The following DNM3 variants were observed in gnomAD, a reference collection of about 807,000 sequenced individuals.
DNM3 encodes the protein dynamin-3.
A neutral mutation model predicts 101.6 loss-of-function variants in DNM3; 47 were observed. That is an observed-to-expected ratio of 0.46 (90% CI 0.37 to 0.59). The LOEUF is 0.59. DNM3 is among the 20% of genes least tolerant of loss of function. The probability of loss-of-function intolerance (pLI) is 0.00; values close to 1 mark genes in which losing one functional copy is unlikely to be tolerated. For missense variants in DNM3, 849 were observed against 1,085.7 expected, an observed-to-expected ratio of 0.78 and a Z score of 3.06; for synonymous variants, 385 against 387.9, an observed-to-expected ratio of 0.99 and a Z score of 0.09.
At chr1:172,090,914 C>T (rs755925158) in intron 12 of DNM3, among the ~76,000 whole-genome samples, 24 of 152,160 alleles carry the variant, frequency 1.6e-4, no homozygotes, top group Non-Finnish European at 2.8e-4. Flanking sequence ...AAAACAGCTT[C>T]CATAAACTAT....
chr1:172,038,575 C>A, intron 7 of DNM3, 114 bp downstream of exon 7: 2 of 1,302,820 alleles, frequency 1.5e-6, no homozygotes, highest in Non-Finnish European at 2.1e-6. Context: ...CTATATGAGG[C>A]TATCTATATG....
chr1:172,151,311 T>A (rs2058118037), intron 14 of DNM3, among the ~76,000 whole-genome samples: 1 of 152,220 alleles, frequency 6.6e-6, no homozygotes, highest in East Asian at 1.9e-4. Context: ...TAGTTAAAGG[T>A]TAACATGGAA....
intron 14 of DNM3, among the ~76,000 whole-genome samples, chr1:172,179,731 G>A (rs1452351396): frequency 1.3e-5 from 2 of 151,754 alleles, no homozygotes; most frequent in Admixed American, 1.3e-4. Flanking sequence ...ATAATTTTTA[G>A]ATATAACCAA....
At chr1:172,318,465 C>T (rs1329403899) in intron 16 of DNM3, among the ~76,000 whole-genome samples, 10 of 152,320 alleles carry the variant, frequency 6.6e-5, no homozygotes, top group East Asian at 3.9e-4. Flanking sequence ...TTGCAGACGA[C>T]GTGATTGTAT....
chr1:171,895,211 C>T (rs865857727), intron 1 of DNM3, among the ~76,000 whole-genome samples: 29 of 152,274 alleles, frequency 1.9e-4, no homozygotes, highest in Middle Eastern at 3.4e-3. Flanking sequence ...AGGAATTGCC[C>T]ACTGTCTTCC....
chr1:171,960,531 C>A (rs2043149528), intron 2 of DNM3, among the ~76,000 whole-genome samples: 1 of 152,124 alleles, frequency 6.6e-6, no homozygotes, highest in African/African-American at 2.4e-5. Flanking sequence ...GTGATTGGAT[C>A]TTGAAGGCTC....
chr1:171,985,952 A>T (rs2045220400), intron 2 of DNM3, among the ~76,000 whole-genome samples: 1 of 152,204 alleles, frequency 6.6e-6, no homozygotes, highest in African/African-American at 2.4e-5. Flanking sequence ...GCTGAGTAGC[A>T]CCAGAGGACA....
chr1:172,290,633 C>T (rs991569155), intron 15 of DNM3, among the ~76,000 whole-genome samples: 13 of 151,934 alleles, frequency 8.6e-5, no homozygotes, highest in Admixed American at 3.9e-4. Context: ...TTCTTTGTGG[C>T]GAGTGGAGCA....
chr1:172,141,521 A>G (rs1469231600), intron 14 of DNM3, among the ~76,000 whole-genome samples: 1 of 152,118 alleles, frequency 6.6e-6, no homozygotes, highest in East Asian at 1.9e-4. Context: ...TTTACCGAGC[A>G]TGGATGCTTG....
rs2071265700 is a variant in DNM3, at chr1:172,412,453, AT to A, written c.*4617del. ...TTTTACTTTCCCTTTTTTGGGTCAAATTTTTCTTTTGCTTTGTTTGAAGAAG... is the reference window on the plus strand; with the variant it reads ...TTTTACTTTCCCTTTTTTGGGTCAAATTTTCTTTTGCTTTGTTTGAAGAAG... On this transcript the variant is annotated 3_prime_UTR_variant, in exon 21 of 21. Coordinates refer to ENST00000627582, the MANE Select transcript of DNM3 (RefSeq NM_015569.5). The A allele has an allele frequency of 1.0e-6, 1 of 985,376 alleles. No individual in the cohort carries two copies. The highest frequency in any genetic ancestry group is 1.2e-6 in the Non-Finnish European group (1 of 829,874). The allele number at this position is 985,376 out of a possible 1,614,324, so 61.0% of individuals were successfully genotyped here. A position where few individuals can be genotyped will look rare whatever the true frequency, so the allele number is the denominator to read the frequency against.
chr1:171,880,884 T>C (rs914894744), intron 1 of DNM3, among the ~76,000 whole-genome samples: 2 of 152,062 alleles, frequency 1.3e-5, no homozygotes, highest in South Asian at 2.1e-4. Flanking sequence ...TCAAAATACA[T>C]AGGCAGAATA....
rs750682002 is a variant in DNM3 at position 172,379,088 on chromosome 1, C to T, written c.1964C>T (p.Thr655Ile). ...MDPQLERQVETIRNLVDSYMS... is the reference protein window; with the variant it reads ...MDPQLERQVEIIRNLVDSYMS... ...CCACAATTGGAGAGGCAAGTGGAGA[C>T]CATTCGCAACCTCGTAGACTCCTAC... Residue 655 changes from threonine to isoleucine, a missense_variant, in exon 18 of 21, where the codon ACC (threonine) becomes ATC (isoleucine). By Grantham distance (89) the Thr-to-Ile change is moderately conservative. This residue lies in a region of DNM3 where 256 missense variants were observed against 311.7 expected (regional missense o/e 0.82). Transcript: ENST00000627582. The T allele has an allele frequency of 5.6e-6, 9 of 1,612,352 alleles. No individual in the cohort carries two copies. In the South Asian group the frequency reaches 9.9e-5, roughly 18 times the overall value.
intron 1 of DNM3, among the ~76,000 whole-genome samples, chr1:171,865,858 C>G (rs965427053): frequency 6.6e-6 from 1 of 152,174 alleles, no homozygotes; most frequent in Non-Finnish European, 1.5e-5. Flanking sequence ...AACTTTGGAT[C>G]TTGAGTCTGT....
chr1:171,961,214 T>A (rs1236895467), intron 2 of DNM3, among the ~76,000 whole-genome samples: 1 of 151,972 alleles, frequency 6.6e-6, no homozygotes, highest in Non-Finnish European at 1.5e-5. Context: ...GAGAAGAGGA[T>A]GTTGGTGAGA....
chr1:171,936,359 A>AAAAGAAAGAAAG lies in DNM3; in HGVS notation c.235+14543_235+14554dup, dbSNP rs3051605. Among the ~76,000 whole-genome samples the AAAAGAAAGAAAG allele has an allele frequency of 3.6e-3, 538 of 150,712 alleles. 5 individuals carry two copies. Among genetic ancestry groups the AAAAGAAAGAAAG allele is most frequent in the African/African-American group, 0.012 (484 of 41,068 alleles). On this transcript the variant is annotated intron_variant, in intron 2 of 20. Transcript: ENST00000627582. ...GAGTGAGACTCTGTCTCAAAAAAAG[A>AAAAGAAAGAAAG]AAAGAAAGAAAGAAAGTTACTGTTG...
intron 14 of DNM3, among the ~76,000 whole-genome samples, chr1:172,252,244 C>G (rs912972253): frequency 6.6e-6 from 1 of 152,018 alleles, no homozygotes; most frequent in Non-Finnish European, 1.5e-5. Context: ...ATTTTTGTAG[C>G]CAAGTAGAAT....
At chr1:172,284,816 T>C (rs1417794521) in intron 15 of DNM3, among the ~76,000 whole-genome samples, 3 of 152,322 alleles carry the variant, frequency 2.0e-5, no homozygotes, top group Non-Finnish European at 4.4e-5. Flanking sequence ...AAATTGTTTA[T>C]ACTTTTACCA....
intron 14 of DNM3, among the ~76,000 whole-genome samples, chr1:172,213,734 A>G (rs2060594569): frequency 6.6e-6 from 1 of 151,802 alleles, no homozygotes; most frequent in Non-Finnish European, 1.5e-5. Flanking sequence ...AGGCTGAGGC[A>G]GGAGCATAGC....
At chr1:172,303,469 C>T (rs570192352) in intron 15 of DNM3, among the ~76,000 whole-genome samples, 2 of 152,116 alleles carry the variant, frequency 1.3e-5, no homozygotes, top group African/African-American at 2.4e-5. Context: ...AGGCTATCAT[C>T]CAGGAGAACT....
Sources: gnomAD v4.1 joint callset for allele counts (sites outside exome capture counted in the v4.1 genomes callset) on GRCh38, gnomAD v4.1.1 for gene constraint, gnomAD v4.1.1 regional missense constraint, MANE v1.5 for transcripts, NCBI Gene and HGNC (gene_info 2026-07-23, HGNC 2026-07-21) for gene names.